CHSY1: variants seen among roughly 807,000 people sequenced by gnomAD.
The protein encoded by CHSY1 is chondroitin sulfate synthase 1, also known as N-acetylgalactosaminyl-proteoglycan 3-beta-glucuronosyltransferase 1.
CHSY1 carries 13 observed loss-of-function variants against 59.8 expected under a neutral mutation model. The observed-to-expected ratio is 0.22, with a 90% confidence interval of 0.14 to 0.35. The LOEUF is 0.35. Ranked by LOEUF, CHSY1 falls within the 10% of genes least tolerant of loss-of-function variation. The probability of loss-of-function intolerance (pLI) is 1.00; values close to 1 mark genes in which losing one functional copy is unlikely to be tolerated. For missense variants in CHSY1, 947 were observed against 1,030.6 expected, an observed-to-expected ratio of 0.92 and a Z score of 1.11; for synonymous variants, 459 against 401.2, an observed-to-expected ratio of 1.14 and a Z score of -1.72.
intron 2 of CHSY1, among the ~76,000 whole-genome samples, chr15:101,180,051 T>TG (rs1292382688): frequency 6.6e-6 from 1 of 152,216 alleles, no homozygotes; most frequent in Non-Finnish European, 1.5e-5. Flanking sequence ...GACTAACTCT[T>TG]GGTAAGGGAT....
In CHSY1 at chr15:101,176,176, A is replaced by C. The variant is rs987241038; in HGVS notation, c.*1212T>G. Reference sequence around the variant, plus strand: ...AACACACTCCCGATACACATAAATAATACTAACTAACAGGTACTCAAGAAA... The same window carrying C: ...AACACACTCCCGATACACATAAATACTACTAACTAACAGGTACTCAAGAAA... On this transcript the variant is annotated 3_prime_UTR_variant, in exon 3 of 3. Transcript: ENST00000254190. The C allele has an allele frequency of 3.2e-4, 128 of 398,428 alleles. No individual in the cohort carries two copies. Among genetic ancestry groups the C allele is most frequent in the African/African-American group, 2.2e-3 (105 of 48,634 alleles). 24.7% of individuals were successfully genotyped at this position (398,428 alleles called of 1,614,324 possible). A position where few individuals can be genotyped will look rare whatever the true frequency, so the allele number is the denominator to read the frequency against.
intron 2 of CHSY1, among the ~76,000 whole-genome samples, chr15:101,182,482 A>G (rs1377147693): frequency 6.6e-6 from 1 of 152,244 alleles, no homozygotes; most frequent in East Asian, 1.9e-4. Context: ...TGAATGCTGC[A>G]TCTTAGTCCT....
At chr15:101,187,937 A>C (rs375236682) in intron 2 of CHSY1, 1 of 762,140 alleles carries the variant, frequency 1.3e-6, no homozygotes, top group African/African-American at 1.9e-5. Context: ...AGGAACTTCT[A>C]GCCCAGCTGG....
At chr15:101,236,153 G>A (rs547036756) in intron 1 of CHSY1, among the ~76,000 whole-genome samples, 1 of 152,204 alleles carries the variant, frequency 6.6e-6, no homozygotes, top group Non-Finnish European at 1.5e-5. Flanking sequence ...TGAACCAACA[G>A]AACAGGGAGC....
At chr15:101,197,639 T>G (rs1385588634) in intron 2 of CHSY1, among the ~76,000 whole-genome samples, 1 of 152,224 alleles carries the variant, frequency 6.6e-6, no homozygotes, top group Non-Finnish European at 1.5e-5. Flanking sequence ...TGTTAAATGA[T>G]AAATTCCTTA....
intron 2 of CHSY1, among the ~76,000 whole-genome samples, chr15:101,204,328 G>A (rs2038602751): frequency 6.6e-6 from 1 of 151,932 alleles, no homozygotes; most frequent in Admixed American, 6.6e-5. Flanking sequence ...CAGCTACTCG[G>A]GAGGGTGAGG....
intron 2 of CHSY1, among the ~76,000 whole-genome samples, chr15:101,183,419 G>A (rs535781778): frequency 6.6e-6 from 1 of 152,292 alleles, no homozygotes; most frequent in South Asian, 2.1e-4. Flanking sequence ...TAACACCACT[G>A]GGAGCTGAAG....
At chr15:101,206,379 G>C (rs1371314625) in intron 2 of CHSY1, among the ~76,000 whole-genome samples, 1 of 152,112 alleles carries the variant, frequency 6.6e-6, no homozygotes, top group African/African-American at 2.4e-5. Context: ...CAGAGGCAGG[G>C]GTGGAGGTCG....
At chr15:101,180,594 A>G (rs2038264036) in intron 2 of CHSY1, among the ~76,000 whole-genome samples, 1 of 152,136 alleles carries the variant, frequency 6.6e-6, no homozygotes, top group African/African-American at 2.4e-5. Context: ...TCTGCTACCT[A>G]CTATCAACTT....
At chr15:101,191,798 T>G (rs1308472129) in intron 2 of CHSY1, among the ~76,000 whole-genome samples, 1 of 152,206 alleles carries the variant, frequency 6.6e-6, no homozygotes, top group Non-Finnish European at 1.5e-5. Flanking sequence ...ATTATCTATG[T>G]TAAGTAGATT....
At chr15:101,188,585 C>A in intron 2 of CHSY1, among the ~76,000 whole-genome samples, 1 of 122,882 alleles carries the variant, frequency 8.1e-6, no homozygotes, top group African/African-American at 3.9e-5. Flanking sequence ...TAAGCTGGGA[C>A]TTTAGTGGTT....
chr15:101,194,664 A>C (rs1367023240), intron 2 of CHSY1, among the ~76,000 whole-genome samples: 1 of 152,030 alleles, frequency 6.6e-6, no homozygotes, highest in Non-Finnish European at 1.5e-5. Context: ...AGAGCTTCCT[A>C]CTCCTCCTAG....
chr15:101,193,919 C>G (rs2141248959), intron 2 of CHSY1, among the ~76,000 whole-genome samples: 2 of 152,288 alleles, frequency 1.3e-5, no homozygotes, highest in Middle Eastern at 6.8e-3. Context: ...GCACTGAGTC[C>G]CAGCAACAGA....
At chr15:101,197,515 G>C (rs917441896) in intron 2 of CHSY1, among the ~76,000 whole-genome samples, 2 of 152,124 alleles carry the variant, frequency 1.3e-5, no homozygotes, top group Non-Finnish European at 2.9e-5. Context: ...CCAAGTCCTT[G>C]TATCTACGAT....
At chr15:101,187,926 C>T (rs1335091046) in intron 2 of CHSY1, 1 of 657,700 alleles carries the variant, frequency 1.5e-6, no homozygotes, top group East Asian at 1.4e-4. Context: ...ACGCTATTCC[C>T]AGGAACTTCT....
intron 1 of CHSY1, among the ~76,000 whole-genome samples, chr15:101,250,074 C>T (rs930234399): frequency 6.6e-6 from 1 of 152,186 alleles, no homozygotes; most frequent in Non-Finnish European, 1.5e-5. Flanking sequence ...CTGACCAAGA[C>T]TGCATTTAAA....
rs2038210330 is a variant in CHSY1 at position 101,177,655 on chromosome 15, T to C, written c.2142A>G (p.Gln714=). Reference sequence around the variant, plus strand: ...GGTCCACATCCTCCAGCCCCCAGCCTTGGATGGAAACATCAAAGCCACCCA... The same window carrying C: ...GGTCCACATCCTCCAGCCCCCAGCCCTGGATGGAAACATCAAAGCCACCCA... ...VRVGGFDVSI[Q]GWGLEDVDLF... Residue 714 remains glutamine, a synonymous_variant, in exon 3 of 3, where the codon CAA becomes CAG. Coordinates refer to ENST00000254190, the MANE Select transcript of CHSY1 (RefSeq NM_014918.5). 6.2e-7 allele frequency: 1 copy of C among 1,614,032 alleles called. No homozygotes were observed. The highest frequency in any genetic ancestry group is 1.1e-5 in the South Asian group (1 of 91,082).
intron 2 of CHSY1, chr15:101,189,576 T>A: frequency 5.9e-6 from 3 of 512,142 alleles, no homozygotes; most frequent in Non-Finnish European, 7.5e-6. Flanking sequence ...CCAGTTCAAG[T>A]GAGAGAGAAA....
chr15:101,184,699 G>C (rs1195587122), intron 2 of CHSY1, among the ~76,000 whole-genome samples: 1 of 152,130 alleles, frequency 6.6e-6, no homozygotes, highest in East Asian at 1.9e-4. Context: ...AAAAAGGTGT[G>C]TGTGAGTGGT....
Sources: allele counts gnomAD v4.1 joint callset (sites outside exome capture counted in the v4.1 genomes callset), GRCh38; gene constraint gnomAD v4.1.1; transcripts MANE v1.5; gene names NCBI Gene and HGNC (gene_info 2026-07-23, HGNC 2026-07-21).